The following SGCD variants were observed in gnomAD, a reference collection of about 807,000 sequenced individuals.
SGCD encodes delta-sarcoglycan.
A neutral mutation model predicts 36.6 loss-of-function variants in SGCD; 18 were observed. That is an observed-to-expected ratio of 0.49 (90% CI 0.34 to 0.73). The LOEUF is 0.73. Ranked by LOEUF, SGCD falls within the 30% of genes least tolerant of loss-of-function variation. SGCD has a pLI of 0.01. For missense variants in SGCD, 387 were observed against 346.7 expected, an observed-to-expected ratio of 1.12 and a Z score of -0.92; for synonymous variants, 133 against 130.6, an observed-to-expected ratio of 1.02 and a Z score of -0.12.
At chr5:155,847,227 G>A in the SGCD span, among the ~76,000 whole-genome samples, 13 of 152,108 alleles carry the variant, frequency 8.5e-5, no homozygotes, top group South Asian at 2.7e-3. Flanking sequence ...ATGAATTTTG[G>A]GTATACTCAC....
Position 156,009,944 on chromosome 5 carries a change from C to T in SGCD, c.-281-107934C>T, listed in dbSNP as rs571225682. ...TAAGCATCAACATGGACCAAAAGGC[C>T]AGTTTTCTTTGTAGACTCAAACACG... On this transcript the variant is annotated intron_variant, in intron 1 of 9. Coordinates refer to the SGCD transcript ENST00000517913. Among the ~76,000 whole-genome samples, 55 of 152,250 alleles carry T rather than the reference C, an allele frequency of 3.6e-4. No homozygotes were observed. The South Asian group carries it at 8.1e-3, about 22-fold the overall frequency.
chr5:156,295,583 G>C (rs1339315426), intron 3 of SGCD, among the ~76,000 whole-genome samples: 1 of 152,042 alleles, frequency 6.6e-6, no homozygotes, highest in African/African-American at 2.4e-5. Context: ...TCTCTCATAG[G>C]AGAAGTGGTT....
At chr5:155,904,113 G>A (rs1429814647) in intron 1 of SGCD, among the ~76,000 whole-genome samples, 2 of 152,170 alleles carry the variant, frequency 1.3e-5, no homozygotes, top group Non-Finnish European at 2.9e-5. Context: ...ATATGCCTTT[G>A]GGAAGAGTGA....
chr5:156,309,331 T>C (rs1329425158), intron 3 of SGCD, among the ~76,000 whole-genome samples: 2 of 152,118 alleles, frequency 1.3e-5, no homozygotes, highest in Non-Finnish European at 2.9e-5. Flanking sequence ...ATTTCTTCAA[T>C]TATTTTTTCT....
chr5:156,077,448 T>C (rs972747586), intron 1 of SGCD, among the ~76,000 whole-genome samples: 1 of 152,158 alleles, frequency 6.6e-6, no homozygotes, highest in African/African-American at 2.4e-5. Context: ...CCAGGGAATA[T>C]TAAATTTATC....
intron 3 of SGCD, among the ~76,000 whole-genome samples, chr5:156,384,536 C>T (rs1015337067): frequency 9.2e-5 from 14 of 151,914 alleles, no homozygotes; most frequent in African/African-American, 1.9e-4. Context: ...TGGACAGTGA[C>T]GATAGAACAC....
chr5:156,747,534 A>T (rs1756991199), intron 7 of SGCD, among the ~76,000 whole-genome samples: 1 of 152,124 alleles, frequency 6.6e-6, no homozygotes, highest in African/African-American at 2.4e-5. Context: ...GTTGGACTGA[A>T]CACCTTAGTT....
At chr5:155,913,171 T>TGG (rs1756665686) in intron 1 of SGCD, among the ~76,000 whole-genome samples, 3 of 152,154 alleles carry the variant, frequency 2.0e-5, no homozygotes, top group Non-Finnish European at 4.4e-5. Context: ...GGGATACCTT[T>TGG]TGAACAGAAA....
At chr5:156,385,659 G>C (rs76585931) in intron 3 of SGCD, among the ~76,000 whole-genome samples, 2,078 of 152,298 alleles carry the variant, frequency 0.014, 22 homozygotes, top group Non-Finnish European at 0.023. Flanking sequence ...GAGCTTATCT[G>C]GGCCTGCAAA....
At chr5:156,451,608 G>C (rs17052633) in intron 3 of SGCD, among the ~76,000 whole-genome samples, 25,687 of 152,106 alleles carry the variant, frequency 0.17, 2,251 homozygotes, top group South Asian at 0.23. Context: ...GCACTGATTT[G>C]CTACCAAGCC....
chr5:156,459,277 A>G (rs1428876337), intron 3 of SGCD, among the ~76,000 whole-genome samples: 3 of 152,316 alleles, frequency 2.0e-5, no homozygotes, highest in East Asian at 1.9e-4. Context: ...ACTGCACTCA[A>G]TGTTCAATGT....
At chr5:156,467,017 C>A (rs1754749496) in intron 3 of SGCD, among the ~76,000 whole-genome samples, 1 of 152,002 alleles carries the variant, frequency 6.6e-6, no homozygotes, top group African/African-American at 2.4e-5. Context: ...ACATAGAGGG[C>A]CAGACGGTAT....
intron 3 of SGCD, among the ~76,000 whole-genome samples, chr5:156,411,094 G>A (rs867097901): frequency 6.6e-6 from 1 of 152,102 alleles, no homozygotes; most frequent in Non-Finnish European, 1.5e-5. Context: ...CCCCCTTGAT[G>A]TTTTATTTCT....
chr5:156,188,665 A>ACCAC (rs749449803), intron 3 of SGCD, among the ~76,000 whole-genome samples: 21 of 118,532 alleles, frequency 1.8e-4, no homozygotes, highest in Non-Finnish European at 2.5e-4. Flanking sequence ...GACCACCCCA[A>ACCAC]CCGCCCCCCC....
chr5:155,855,420 C>A, the SGCD span, among the ~76,000 whole-genome samples: 2 of 152,254 alleles, frequency 1.3e-5, no homozygotes, highest in East Asian at 3.9e-4. Context: ...TTACCTACCC[C>A]CTTCCAGTGT....
At chr5:156,229,346 A>G (rs1764955028) in intron 3 of SGCD, among the ~76,000 whole-genome samples, 3 of 127,276 alleles carry the variant, frequency 2.4e-5, no homozygotes. Flanking sequence ...ACTCTGACTA[A>G]TTCAGGTGGC....
chr5:156,563,319 C>T (rs1193040030), intron 4 of SGCD, among the ~76,000 whole-genome samples: 1 of 152,082 alleles, frequency 6.6e-6, no homozygotes, highest in African/African-American at 2.4e-5. Flanking sequence ...AGGCACTGTG[C>T]TAAGTACCCA....
chr5:156,099,177 G>A (rs977147783), intron 1 of SGCD, among the ~76,000 whole-genome samples: 34 of 152,142 alleles, frequency 2.2e-4, no homozygotes, highest in African/African-American at 6.0e-4. Flanking sequence ...AGCTAGCCCC[G>A]TCTTTTTATC....
chr5:155,857,663 G>T, the SGCD span, among the ~76,000 whole-genome samples: 12 of 152,146 alleles, frequency 7.9e-5, no homozygotes, highest in African/African-American at 2.9e-4. Flanking sequence ...GGGTAAGAAG[G>T]CAGGAAGGAT....
Sources: allele counts gnomAD v4.1 joint callset (sites outside exome capture counted in the v4.1 genomes callset), GRCh38; gene constraint gnomAD v4.1.1; transcripts MANE v1.5; gene names NCBI Gene and HGNC (gene_info 2026-07-23, HGNC 2026-07-21).